NECTIN1: variants seen among roughly 807,000 people sequenced by gnomAD.
NECTIN1 encodes the protein nectin-1.
In NECTIN1, 23 loss-of-function variants were observed where a neutral mutation model predicts 48.0. That is an observed-to-expected ratio of 0.48 (90% CI 0.34 to 0.68). The LOEUF (loss-of-function observed/expected upper bound fraction) is 0.68. Among genes scored for constraint, NECTIN1 ranks in the 30% least tolerant of loss-of-function variants. The probability of loss-of-function intolerance (pLI) is 0.01; values close to 1 mark genes in which losing one functional copy is unlikely to be tolerated. For missense variants in NECTIN1, 591 were observed against 709.9 expected, an observed-to-expected ratio of 0.83 and a Z score of 1.90; for synonymous variants, 270 against 288.9, an observed-to-expected ratio of 0.93 and a Z score of 0.66.
At chr11:119,707,184 C>T (rs145648490) in intron 1 of NECTIN1, among the ~76,000 whole-genome samples, 182 of 152,242 alleles carry the variant, frequency 1.2e-3, no homozygotes, top group Non-Finnish European at 1.8e-3. Flanking sequence ...CCACCACCCT[C>T]GCCTTGTCCT....
At chr11:119,691,299 G>A (rs991491420) in intron 1 of NECTIN1, among the ~76,000 whole-genome samples, 1 of 152,234 alleles carries the variant, frequency 6.6e-6, no homozygotes, top group African/African-American at 2.4e-5. Flanking sequence ...CAGCTCCTCT[G>A]GAGCTCCAGG....
At chr11:119,670,891 G>A (rs1246347621) in intron 5 of NECTIN1, among the ~76,000 whole-genome samples, 1 of 151,314 alleles carries the variant, frequency 6.6e-6, no homozygotes, top group Non-Finnish European at 1.5e-5. Context: ...TGCCCACCTC[G>A]GCCTCCCAAA....
At position 119,678,393 on chromosome 11, in the gene NECTIN1, G is replaced by A. The variant is rs377049788; in HGVS notation, c.430+22C>T. 1.9e-6 allele frequency: 3 copies of A among 1,606,140 alleles called. No homozygotes were observed. The highest frequency in any genetic ancestry group is 2.6e-6 in the Non-Finnish European group (3 of 1,173,036). ...GGTCACAGGCCTCTGGATGAACAGG[G>A]AGGGGGCCCAGGGCAGCTTACCCAT... is the stretch of plus-strand genomic sequence containing the variant. On this transcript the variant is annotated intron_variant, in intron 2 of 5. Coordinates refer to ENST00000264025, the MANE Select transcript of NECTIN1 (RefSeq NM_002855.5). The surrounding 1 kb of genome is among the most constrained non-coding windows in gnomAD (Gnocchi z 4.4).
intron 1 of NECTIN1, among the ~76,000 whole-genome samples, chr11:119,706,063 A>G (rs897343612): frequency 6.6e-6 from 1 of 152,168 alleles, no homozygotes; most frequent in African/African-American, 2.4e-5. Flanking sequence ...TGTTATTGGG[A>G]GAAATAAAGC....
Position 119,665,905 on chromosome 11 carries a change from C to G in NECTIN1, c.1004-608G>C, listed in dbSNP as rs1275546635. The stretch of plus-strand genomic sequence containing the variant: ...CCAGGAGCCACCTAGGTGTTCTGCA[C>G]CTGATTTTGTCTGCCTGCAGGGCAC... On this transcript the variant is annotated intron_variant, in intron 5 of 5. Coordinates refer to ENST00000264025, the MANE Select transcript of NECTIN1 (RefSeq NM_002855.5). This position sits in a 1 kb window ranked among gnomAD's most constrained non-coding sequence, Gnocchi z 5.1. Among the ~76,000 whole-genome samples the G allele has an allele frequency of 1.3e-4, 20 of 152,192 alleles. No homozygotes were observed. The highest frequency in any genetic ancestry group is 1.2e-3 in the Admixed American group (19 of 15,280).
At chr11:119,648,301 G>GTGA (rs754894127) in intron 5 of NECTIN1, among the ~76,000 whole-genome samples, 4 of 12,920 alleles carry the variant, frequency 3.1e-4, no homozygotes, top group African/African-American at 6.9e-4. Flanking sequence ...GGTGGTGGTG[G>GTGA]TGGTGATGGT....
At chr11:119,680,949 G>T (rs1865050635) in intron 1 of NECTIN1, among the ~76,000 whole-genome samples, 1 of 152,232 alleles carries the variant, frequency 6.6e-6, no homozygotes, top group African/African-American at 2.4e-5. Flanking sequence ...CAGGCAGTGG[G>T]ACCGTGGCCA....
At position 119,684,784 on chromosome 11, in the gene NECTIN1, C is replaced by G. The variant is rs1865127102; in HGVS notation, c.80-6019G>C. ...AGCGTGCAATCAGGACACCCACTTC[C>G]TTTCTGGGGTCCCCTCCTTTCACAG... On this transcript the variant is annotated intron_variant, in intron 1 of 5. Coordinates refer to ENST00000264025, the MANE Select transcript of NECTIN1 (RefSeq NM_002855.5). This position sits in a 1 kb window ranked among gnomAD's most constrained non-coding sequence, Gnocchi z 5.2. 6.6e-6 allele frequency among the ~76,000 whole-genome samples: 1 copy of G among 152,178 alleles called. No homozygotes were observed. The highest frequency in any genetic ancestry group is 6.5e-5 in the Admixed American group (1 of 15,290).
At chr11:119,670,380 C>T (rs138860322) in intron 5 of NECTIN1, among the ~76,000 whole-genome samples, 3 of 152,308 alleles carry the variant, frequency 2.0e-5, no homozygotes, top group South Asian at 4.1e-4. Flanking sequence ...GCACCTAGAC[C>T]GCTTGTCATG....
rs543354478 is a variant in NECTIN1 at position 119,684,749 on chromosome 11, G to C, written c.80-5984C>G. On this transcript the variant is annotated intron_variant, in intron 1 of 5. Transcript: ENST00000264025. This position sits in a 1 kb window ranked among gnomAD's most constrained non-coding sequence, Gnocchi z 5.2. ...GCCAGCTCCGCCTGGGAGAGAGGCCGGTGTGGAGGAGCGTGCAATCAGGAC... is the reference window on the plus strand; with the variant it reads ...GCCAGCTCCGCCTGGGAGAGAGGCCCGTGTGGAGGAGCGTGCAATCAGGAC... 2.0e-5 allele frequency among the ~76,000 whole-genome samples: 3 copies of C among 152,172 alleles called. No individual in the cohort carries two copies. The highest frequency in any genetic ancestry group is 4.4e-5 in the Non-Finnish European group (3 of 68,034).
At chr11:119,720,030 G>A (rs138398267) in intron 1 of NECTIN1, among the ~76,000 whole-genome samples, 160 of 152,318 alleles carry the variant, frequency 1.1e-3, no homozygotes, top group Non-Finnish European at 1.9e-3. Flanking sequence ...CATGGTGTGC[G>A]GGGGAGGGCA....
intron 5 of NECTIN1, among the ~76,000 whole-genome samples, chr11:119,670,598 CT>C (rs1864848452): frequency 6.8e-6 from 1 of 147,148 alleles, no homozygotes; most frequent in African/African-American, 2.5e-5. Context: ...TGACACTAGG[CT>C]TTTTTTCTCC....
At chr11:119,702,965 C>A (rs1343464690) in intron 1 of NECTIN1, among the ~76,000 whole-genome samples, 1 of 152,182 alleles carries the variant, frequency 6.6e-6, no homozygotes, top group Non-Finnish European at 1.5e-5. Context: ...GGGTTAAACC[C>A]CCCTTGCTCT....
intron 1 of NECTIN1, among the ~76,000 whole-genome samples, chr11:119,682,135 G>C (rs549520164): frequency 1.3e-5 from 2 of 152,184 alleles, no homozygotes; most frequent in African/African-American, 4.8e-5. Context: ...AAGGACTCAG[G>C]GTTGGGGAGA....
intron 1 of NECTIN1, among the ~76,000 whole-genome samples, chr11:119,695,930 C>T (rs80243646): frequency 0.025 from 3,876 of 152,178 alleles, 87 homozygotes; most frequent in East Asian, 0.058. Flanking sequence ...GAAATTAAGA[C>T]CCAGAAAAGT....
intron 5 of NECTIN1, among the ~76,000 whole-genome samples, chr11:119,668,105 C>CT (rs1355797108): frequency 6.6e-6 from 1 of 152,180 alleles, no homozygotes; most frequent in Non-Finnish European, 1.5e-5. Context: ...TAGGTGGACA[C>CT]ATTAGAAAAA....
rs574716623 is a variant in NECTIN1, at chr11:119,722,363, A to AG, written c.79+6111dup. ...CCAGTGAGAAGGAGGTGACCCCAGC[A>AG]GGGATTCTCTACCCATCTGGCTGAT... On this transcript the variant is annotated intron_variant, in intron 1 of 5. Coordinates refer to ENST00000264025, the MANE Select transcript of NECTIN1 (RefSeq NM_002855.5). 1.1e-3 allele frequency among the ~76,000 whole-genome samples: 160 copies of AG among 152,358 alleles called. 1 individual carries two copies. The highest frequency in any genetic ancestry group is 3.5e-3 in the African/African-American group (144 of 41,590).
downstream of NECTIN1, among the ~76,000 whole-genome samples, chr11:119,659,535 C>T (rs184588178): frequency 8.1e-4 from 124 of 152,308 alleles, no homozygotes; most frequent in Middle Eastern, 6.8e-3. Context: ...CAGAAGGAGC[C>T]ACAGCCTGGC....
intron 1 of NECTIN1, among the ~76,000 whole-genome samples, chr11:119,689,884 C>T (rs557876343): frequency 1.3e-5 from 2 of 152,396 alleles, no homozygotes; most frequent in South Asian, 4.1e-4. Flanking sequence ...CCTCCACCTG[C>T]TTCCAAAGCA....
Sources: allele counts gnomAD v4.1 joint callset (sites outside exome capture counted in the v4.1 genomes callset), GRCh38; gene constraint gnomAD v4.1.1; non-coding constraint Gnocchi (gnomAD v3.1); transcripts MANE v1.5; gene names NCBI Gene and HGNC (gene_info 2026-07-23, HGNC 2026-07-21).